The following PKP3 variants were observed in gnomAD, a reference collection of about 807,000 sequenced individuals.
PKP3 encodes the protein plakophilin-3.
Under a neutral mutation model 76.5 loss-of-function variants are expected in PKP3, and 66 were observed. That is an observed-to-expected ratio of 0.86 (90% CI 0.71 to 1.06). PKP3 has a LOEUF of 1.06. Ranked by LOEUF, PKP3 falls within the 50% of genes least tolerant of loss-of-function variation. The pLI is 0.00. For missense variants in PKP3, 1,338 were observed against 1,141.0 expected (o/e 1.17, Z -2.49); for synonymous variants, 638 against 516.5 (o/e 1.24, Z -3.19).
At position 403,728 on chromosome 11, in the gene PKP3, C is replaced by A. The variant is rs1453269328; in HGVS notation, c.2034C>A (p.Leu678=). ...ACCAGCTGCGCTCACTGACTGGCCT[C>A]ATCCGAAACCTGTCTCGGAACGCTA... ...DHHQLRSLTG[L]IRNLSRNARN... is the part of the protein sequence containing the mutation. Residue 678 remains leucine (L), a synonymous_variant, in exon 10 of 13, where the codon CTC becomes CTA. Coordinates refer to ENST00000331563, the MANE Select transcript of PKP3 (RefSeq NM_007183.4). 6.2e-7 allele frequency: 1 copy of A among 1,609,800 alleles called. No individual in the cohort carries two copies. The highest frequency in any genetic ancestry group is 1.7e-5 in the Admixed American group (1 of 60,020).
intron 4 of PKP3, among the ~76,000 whole-genome samples, chr11:398,357 C>T (rs1375777139): frequency 6.9e-5 from 1 of 14,408 alleles, no homozygotes; most frequent in Non-Finnish European, 1.1e-4. Context: ...CCTCCGTACC[C>T]CCGCACACAC....
chr11:395,746 G>T (rs143984211), intron 1 of PKP3, among the ~76,000 whole-genome samples: 1,710 of 152,270 alleles, frequency 0.011, 15 homozygotes, highest in South Asian at 0.033. Context: ...GAGGGCCACG[G>T]CCCCTTTCCC....
At chr11:392,649 C>T, upstream of PKP3, 1 of 1,286,910 alleles carries the variant, frequency 7.8e-7, no homozygotes, top group Non-Finnish European at 1.0e-6. Context: ...GACACCTCGG[C>T]CGTCAGCAGT....
chr11:399,162 G>A lies in PKP3; in HGVS notation c.1239G>A (p.Arg413=). 2 of 1,608,072 alleles carry A rather than the reference G, an allele frequency of 1.2e-6. No homozygotes were observed. Among genetic ancestry groups the A allele is most frequent in the Middle Eastern group, 1.7e-4 (1 of 6,046 alleles). Reference sequence around the variant, plus strand: ...TCTTCGAGCTGCTGCGGACACTGCGGGAGCAGGATGATGAGCTTCGCAAAA... The same window carrying A: ...TCTTCGAGCTGCTGCGGACACTGCGAGAGCAGGATGATGAGCTTCGCAAAA... ...NGIFELLRTL[R]EQDDELRKNV... is the part of the protein sequence containing the mutation. The change falls in exon 5 of 13, where the codon CGG becomes CGA. Residue 413 remains arginine (R), a synonymous_variant. Transcript: ENST00000331563.
At chr11:396,233 C>T (rs1196132758) in intron 1 of PKP3, 2 of 228,218 alleles carry the variant, frequency 8.8e-6, no homozygotes, top group African/African-American at 2.3e-5. Flanking sequence ...CAGTGTGGGC[C>T]GGGGCAGGCC....
At chr11:399,819 AC>A in intron 5 of PKP3, 147 bp from the exon 6 acceptor site, 1 of 646,592 alleles carries the variant, frequency 1.5e-6, no homozygotes. Context: ...CTCAAATGCC[AC>A]CCCAGGGTCT....
chr11:396,717 G>C lies in PKP3; in HGVS notation c.312+30G>C, dbSNP rs769559432. The C allele has an allele frequency of 1.9e-6, 3 of 1,596,606 alleles. No homozygotes were observed. In the Middle Eastern group the frequency reaches 5.0e-4, roughly 267 times the overall value. ...GCGATGGGCCCAGCCCGAGGGGGAC[G>C]ATCTGAGCTCTGCAGTCTGGAGAGT... On this transcript the variant is annotated intron_variant, in intron 2 of 12. Coordinates refer to ENST00000331563, the MANE Select transcript of PKP3 (RefSeq NM_007183.4).
Position 399,993 on chromosome 11 carries a change from G to T in PKP3, c.1300G>T (p.Asp434Tyr). Residue 434 changes from aspartate (D) to tyrosine (Y), a missense_variant, in exon 6 of 13, where the codon GAC becomes TAC. Transcript: ENST00000331563. Reference protein sequence around the residue: ...TGILWNLSSSDHLKDRLARDT... With the variant: ...TGILWNLSSSYHLKDRLARDT... ...GATCCTGTGGAACCTTTCATCCAGC[G>T]ACCACCTGAAGGACCGCCTGGCCAG... 6.2e-7 allele frequency: 1 copy of T among 1,605,976 alleles called. No individual in the cohort carries two copies. Among genetic ancestry groups the T allele is most frequent in the Non-Finnish European group, 8.5e-7 (1 of 1,177,720 alleles).
intron 1 of PKP3, among the ~76,000 whole-genome samples, chr11:395,563 G>T (rs1421562823): frequency 2.0e-5 from 3 of 152,184 alleles, no homozygotes; most frequent in Non-Finnish European, 4.4e-5. Flanking sequence ...GATTATAATT[G>T]GGGGGTGGGG....
rs745996450 is a variant in PKP3, at chr11:400,125, G to A, written c.1432G>A (p.Ala478Thr). 3.8e-6 allele frequency: 6 copies of A among 1,563,950 alleles called. No individual in the cohort carries two copies. Among genetic ancestry groups the A allele is most frequent in the African/African-American group, 1.4e-5 (1 of 72,890 alleles). ...CTCGGAGGCAGAGATCTTCTACAAC[G>A]CCACCGGCTTCCTCAGGTGCGCCAG... ...NASEAEIFYN[A>T]TGFLRNLSSA... Residue 478 changes from alanine (A) to threonine (T), a missense_variant, in exon 6 of 13, where the codon GCC (alanine) becomes ACC (threonine). By Grantham distance (58) the Ala-to-Thr change is moderately conservative. Coordinates refer to ENST00000331563, the MANE Select transcript of PKP3 (RefSeq NM_007183.4).
At position 394,460 on chromosome 11, in the gene PKP3, G is replaced by T. The variant is rs757303968; in HGVS notation, c.168G>T (p.Gln56His). The T allele has an allele frequency of 1.4e-6, 2 of 1,445,600 alleles. No homozygotes were observed. Among genetic ancestry groups the T allele is most frequent in the Middle Eastern group, 2.4e-4 (1 of 4,116 alleles). The allele number at this position is 1,445,600 out of a possible 1,614,324, so 89.5% of individuals were successfully genotyped here. ...AGCAGGTCCGCGCCCGCCTCTTGCA[G>T]CTGGGACAGCAGCCGCGGCACAACG... ...VQEQVRARLL[Q>H]LGQQPRHNGA... Residue 56 changes from glutamine (Q) to histidine (H), a missense_variant, in exon 1 of 13, where the codon CAG (glutamine) becomes CAT (histidine). Physicochemically the swap from Gln to His is conservative, Grantham distance 24 (BLOSUM62 0). Coordinates refer to ENST00000331563, the MANE Select transcript of PKP3 (RefSeq NM_007183.4).
Position 404,171 on chromosome 11 carries a change from G to T in PKP3, c.2270+36G>T. The T allele has an allele frequency of 3.1e-6, 5 of 1,608,686 alleles. No homozygotes were observed. Among genetic ancestry groups the T allele is most frequent in the Non-Finnish European group, 4.2e-6 (5 of 1,176,940 alleles). On this transcript the variant is annotated intron_variant, in intron 11 of 12. Coordinates refer to ENST00000331563, the MANE Select transcript of PKP3 (RefSeq NM_007183.4). This position sits in a 1 kb window ranked among gnomAD's most constrained non-coding sequence, Gnocchi z 4.2. ...ACCCAGCCGTGCAGCAGCCTGGTCA[G>T]GGGTCCTCCCAGTCCACCCTGCTTT...
At position 403,205 on chromosome 11, in the gene PKP3, G is replaced by C. The variant is rs763302242; in HGVS notation, c.1865G>C (p.Arg622Pro). Residue 622 changes from arginine to proline, a missense_variant, in exon 9 of 13, where the codon CGG (arginine) becomes CCG (proline). Transcript: ENST00000331563. ...NRLLQRCELN[R>P]HTTEAAAGAL... Reference sequence around the variant, plus strand: ...CTGCTGCAGCGCTGCGAGCTCAACCGGCACACGACGGAGGCGGCCGCCGGG... The same window carrying C: ...CTGCTGCAGCGCTGCGAGCTCAACCCGCACACGACGGAGGCGGCCGCCGGG... 10 of 1,590,756 alleles carry C rather than the reference G, an allele frequency of 6.3e-6. No individual in the cohort carries two copies. Among genetic ancestry groups the C allele is most frequent in the South Asian group, 5.7e-5 (5 of 88,118 alleles).
chr11:399,836 G>T (rs535822967), intron 5 of PKP3, 131 bp from the exon 6 acceptor site: 28 of 723,424 alleles, frequency 3.9e-5, no homozygotes, highest in Non-Finnish European at 6.4e-5. Flanking sequence ...GGTCTCCCCA[G>T]TGGGGCTCGT....
intron 4 of PKP3, 83 bp from the exon 5 acceptor site, chr11:398,909 G>A (rs932040141): frequency 1.8e-5 from 19 of 1,079,576 alleles, no homozygotes; most frequent in African/African-American, 9.5e-5. Flanking sequence ...CTACATCTAC[G>A]CACCTGGACA....
In PKP3 at chr11:399,142, G is replaced by C. The variant is rs770854435; in HGVS notation, c.1219G>C (p.Glu407Gln). ...LALVEENGIF[E>Q]LLRTLREQDD... is the part of the protein sequence containing the mutation. ...CCTGGTGGAGGAGAACGGGATCTTCGAGCTGCTGCGGACACTGCGGGAGCA... is the reference window on the plus strand; with the variant it reads ...CCTGGTGGAGGAGAACGGGATCTTCCAGCTGCTGCGGACACTGCGGGAGCA... Residue 407 changes from glutamate (E) to glutamine (Q), a missense_variant, in exon 5 of 13, where the codon GAG (glutamate) becomes CAG (glutamine). By Grantham distance (29) the Glu-to-Gln change is conservative. Transcript: ENST00000331563. The C allele has an allele frequency of 1.1e-5, 18 of 1,611,462 alleles. No homozygotes were observed. Among genetic ancestry groups the C allele is most frequent in the Admixed American group, 5.0e-5 (3 of 59,904 alleles).
At chr11:395,240 G>A (rs925787206) in intron 1 of PKP3, among the ~76,000 whole-genome samples, 1 of 152,118 alleles carries the variant, frequency 6.6e-6, no homozygotes, top group African/African-American at 2.4e-5. Context: ...TCCTTCCCAG[G>A]CTACAGCAAC....
rs73400570 is a variant in PKP3 at position 396,522 on chromosome 11, C to T, written c.233-86C>T. 1.8e-3 allele frequency: 1,728 copies of T among 952,632 alleles called. 28 individuals are homozygous for T. In the African/African-American group the frequency reaches 0.025, roughly 14 times the overall value. 59.0% of individuals were successfully genotyped at this position (952,632 alleles called of 1,614,324 possible). On this transcript the variant is annotated intron_variant, in intron 1 of 12. Transcript: ENST00000331563. ...GATTGGAGGCTGCTCCTAGGGTTGCCAATAGCGATGGAGTGGTGGAGAGGA... is the reference window on the plus strand; with the variant it reads ...GATTGGAGGCTGCTCCTAGGGTTGCTAATAGCGATGGAGTGGTGGAGAGGA...
chr11:396,437 C>A, intron 1 of PKP3, 171 bp from the exon 2 acceptor site: 3 of 551,960 alleles, frequency 5.4e-6, no homozygotes, highest in Non-Finnish European at 6.4e-6. Context: ...GTGAGGAGAC[C>A]AAGCCATGGC....
Sources: gnomAD v4.1 joint callset for allele counts (sites outside exome capture counted in the v4.1 genomes callset) on GRCh38, gnomAD v4.1.1 for gene constraint, Gnocchi (gnomAD v3.1) non-coding constraint, MANE v1.5 for transcripts, NCBI Gene and HGNC (gene_info 2026-07-23, HGNC 2026-07-21) for gene names.